The following DPYD variants were observed in gnomAD, a reference collection of about 807,000 sequenced individuals.
The protein encoded by DPYD is dihydropyrimidine dehydrogenase, also known as dihydropyrimidine dehydrogenase [NADP(+)].
DPYD carries 109 observed loss-of-function variants against 116.2 expected under a neutral mutation model. The ratio of observed to expected loss-of-function variants is 0.94; its 90% CI spans 0.80 to 1.10. DPYD has a LOEUF of 1.10. Among genes scored for constraint, DPYD ranks in the 50% least tolerant of loss-of-function variants. The pLI is 0.00. For missense variants in DPYD, 1,302 were observed against 1,254.5 expected, an observed-to-expected ratio of 1.04 and a Z score of -0.57; for synonymous variants, 440 against 432.0, an observed-to-expected ratio of 1.02 and a Z score of -0.23.
chr1:97,280,641 G>A (rs1283021340), intron 18 of DPYD, among the ~76,000 whole-genome samples: 2 of 152,088 alleles, frequency 1.3e-5, no homozygotes, highest in African/African-American at 4.8e-5. Flanking sequence ...GCCAGGCAGA[G>A]TAAGACAAAT....
intron 3 of DPYD, among the ~76,000 whole-genome samples, chr1:97,751,460 G>GTATGTATA (rs1553233232): frequency 9.4e-5 from 2 of 21,274 alleles, no homozygotes; most frequent in African/African-American, 3.5e-4. Flanking sequence ...GTGTGTGTGT[G>GTATGTATA]TATATATATA....
At chr1:97,530,384 A>AT (rs1649530074) in intron 12 of DPYD, among the ~76,000 whole-genome samples, 2 of 151,284 alleles carry the variant, frequency 1.3e-5, no homozygotes, top group Admixed American at 1.3e-4. Flanking sequence ...CGCCAGGCTA[A>AT]TTTTTTGTAT....
intron 18 of DPYD, among the ~76,000 whole-genome samples, chr1:97,249,851 A>T (rs1662966927): frequency 6.6e-6 from 1 of 152,242 alleles, no homozygotes; most frequent in Non-Finnish European, 1.5e-5. Context: ...ACTCGAAATT[A>T]AAATCACCAT....
At chr1:97,487,719 A>T (rs1678727593) in intron 13 of DPYD, among the ~76,000 whole-genome samples, 1 of 152,162 alleles carries the variant, frequency 6.6e-6, no homozygotes, top group Non-Finnish European at 1.5e-5. Context: ...ATATCATAAC[A>T]TGCATAAGAG....
Position 97,815,228 on chromosome 1 carries a change from GA to G in DPYD, c.233+12885del, listed in dbSNP as rs535142402. ...AAGTGTCTCATTGAAGTGTAAAGCT[GA>G]AGTTTTTTTAGGGGAGACATCAAAA... On this transcript the variant is annotated intron_variant, in intron 3 of 22. Coordinates refer to ENST00000370192, the MANE Select transcript of DPYD (RefSeq NM_000110.4). Among the ~76,000 whole-genome samples the G allele has an allele frequency of 3.9e-4, 60 of 152,286 alleles. No homozygotes were observed. In the South Asian group the frequency reaches 0.012, roughly 32 times the overall value.
chr1:97,577,500 T>C (rs1222283246), intron 10 of DPYD, among the ~76,000 whole-genome samples: 5 of 152,116 alleles, frequency 3.3e-5, no homozygotes. Context: ...GACCCATAAA[T>C]AAAGGCACTG....
In DPYD at chr1:97,735,142, A is replaced by G. The variant is rs192045587; in HGVS notation, c.321+5250T>C. ...TGGCGGTAAAGCCACTGCCTGAGGG[A>G]AGCAAATATAAATCCCTTGTAAAGA... On this transcript the variant is annotated intron_variant, in intron 4 of 22. Transcript: ENST00000370192. 1.8e-4 allele frequency among the ~76,000 whole-genome samples: 27 copies of G among 152,302 alleles called. No homozygotes were observed. In the East Asian group the frequency reaches 5.0e-3, roughly 28 times the overall value.
At chr1:97,262,106 T>A (rs577605571) in intron 18 of DPYD, among the ~76,000 whole-genome samples, 1 of 152,068 alleles carries the variant, frequency 6.6e-6, no homozygotes, top group Admixed American at 6.6e-5. Flanking sequence ...CTAGCATGAG[T>A]GGGAACAACA....
chr1:97,626,457 AAAC>A (rs1316956484), intron 8 of DPYD, among the ~76,000 whole-genome samples: 2 of 152,040 alleles, frequency 1.3e-5, no homozygotes, highest in Non-Finnish European at 2.9e-5. Context: ...AAAAACAAAC[AAAC>A]AACAACATAA....
intron 18 of DPYD, among the ~76,000 whole-genome samples, chr1:97,238,617 C>A (rs775110583): frequency 6.6e-6 from 1 of 152,082 alleles, no homozygotes; most frequent in Non-Finnish European, 1.5e-5. Context: ...CAATTAAAAT[C>A]ATAAAGACTT....
At chr1:97,681,367 A>G (rs1414185337) in intron 7 of DPYD, among the ~76,000 whole-genome samples, 1 of 152,098 alleles carries the variant, frequency 6.6e-6, no homozygotes, top group Non-Finnish European at 1.5e-5. Flanking sequence ...AAAGCAAGCA[A>G]TGGAGCAAGA....
intron 19 of DPYD, among the ~76,000 whole-genome samples, chr1:97,221,211 A>G (rs1660747041): frequency 6.9e-6 from 1 of 144,796 alleles, no homozygotes. Flanking sequence ...AGCAATTAAT[A>G]AGTGAAAGAG....
At chr1:97,276,833 T>TA (rs1664962744) in intron 18 of DPYD, among the ~76,000 whole-genome samples, 1 of 152,154 alleles carries the variant, frequency 6.6e-6, no homozygotes, top group South Asian at 2.1e-4. Context: ...AACCAGCATT[T>TA]AATGCAGCAA....
chr1:97,223,382 G>T (rs1660900469), intron 19 of DPYD, among the ~76,000 whole-genome samples: 1 of 127,800 alleles, frequency 7.8e-6, no homozygotes, highest in South Asian at 3.6e-4. Flanking sequence ...AGAAAAGATA[G>T]AATTAAACAC....
intron 1 of DPYD, among the ~76,000 whole-genome samples, chr1:97,906,768 C>A (rs1367992891): frequency 3.9e-5 from 6 of 152,024 alleles, no homozygotes; most frequent in Admixed American, 3.9e-4. Flanking sequence ...GCAAAACTTG[C>A]AAGAATTTCT....
chr1:97,903,962 T>C (rs1255439493), intron 1 of DPYD, among the ~76,000 whole-genome samples: 4 of 151,872 alleles, frequency 2.6e-5, no homozygotes, highest in Admixed American at 1.3e-4. Context: ...AGGTGAAAGC[T>C]AGACCCAGTG....
intron 16 of DPYD, among the ~76,000 whole-genome samples, chr1:97,328,440 C>T (rs1387153363): frequency 6.6e-6 from 1 of 152,056 alleles, no homozygotes; most frequent in African/African-American, 2.4e-5. Context: ...AACTCCCAGG[C>T]CAGAGTTTAT....
At chr1:97,684,211 C>T (rs1228946130) in intron 7 of DPYD, among the ~76,000 whole-genome samples, 1 of 152,112 alleles carries the variant, frequency 6.6e-6, no homozygotes, top group African/African-American at 2.4e-5. Flanking sequence ...TTAGCAGCAT[C>T]CCAGAGATTC....
chr1:97,917,738 A>G (rs376228624), intron 1 of DPYD, among the ~76,000 whole-genome samples: 2 of 152,344 alleles, frequency 1.3e-5, no homozygotes, highest in Admixed American at 6.5e-5. Flanking sequence ...CTACAAATAT[A>G]TATCAAAAGT....
Sources: allele counts gnomAD v4.1 joint callset (sites outside exome capture counted in the v4.1 genomes callset), GRCh38; gene constraint gnomAD v4.1.1; transcripts MANE v1.5; gene names NCBI Gene and HGNC (gene_info 2026-07-23, HGNC 2026-07-21).